The following ROBO2 variants were observed in gnomAD, a reference collection of about 807,000 sequenced individuals.
ROBO2 encodes the protein roundabout guidance receptor 2.
A neutral mutation model predicts 160.8 loss-of-function variants in ROBO2; 53 were observed. The ratio of observed to expected loss-of-function variants is 0.33; its 90% CI spans 0.26 to 0.41. The LOEUF is 0.41. ROBO2 is among the 10% of genes least tolerant of loss of function. The pLI, the probability that ROBO2 is intolerant of heterozygous loss-of-function variation, is 1.00. For missense variants in ROBO2, 1,577 were observed against 1,722.4 expected (o/e 0.92, Z 1.49); for synonymous variants, 664 against 611.7 (o/e 1.09, Z -1.26).
chr3:77,340,655 G>C (rs2066965200), intron 2 of ROBO2, among the ~76,000 whole-genome samples: 1 of 152,078 alleles, frequency 6.6e-6, no homozygotes, highest in African/African-American at 2.4e-5. Context: ...ATTCATAGGA[G>C]CCATATGTTC....
intron 2 of ROBO2, among the ~76,000 whole-genome samples, chr3:76,975,199 T>C (rs2059755593): frequency 1.3e-5 from 2 of 152,142 alleles, no homozygotes; most frequent in Admixed American, 6.6e-5. Flanking sequence ...CACAGAAGGC[T>C]TCAGACCACA....
intron 2 of ROBO2, among the ~76,000 whole-genome samples, chr3:76,767,093 T>C (rs942156275): frequency 6.6e-6 from 1 of 151,462 alleles, no homozygotes; most frequent in African/African-American, 2.4e-5. Flanking sequence ...GCAGAAGTGC[T>C]TAAAAACACC....
At chr3:76,395,497 C>G (rs1393625997) in intron 2 of ROBO2, among the ~76,000 whole-genome samples, 1 of 123,858 alleles carries the variant, frequency 8.1e-6, no homozygotes, top group Non-Finnish European at 1.7e-5. Flanking sequence ...GAAATAGAGA[C>G]AAAAAAAAAC....
intron 2 of ROBO2, among the ~76,000 whole-genome samples, chr3:76,323,950 C>T (rs1380925794): frequency 6.6e-6 from 1 of 152,024 alleles, no homozygotes; most frequent in Non-Finnish European, 1.5e-5. Context: ...AGATAAGAAG[C>T]TTTTTCTGTT....
rs185195218 is a variant in ROBO2, at chr3:76,184,658, G to C, written c.109+247056G>C. The stretch of plus-strand genomic sequence containing the variant: ...GGAGGCTGAGAAGTCCCATGGACAG[G>C]CATGTGCAAGCTATAGACCCTGAGA... On this transcript the variant is annotated intron_variant, in intron 2 of 26. Coordinates refer to the ROBO2 transcript ENST00000487694. 3.9e-3 allele frequency among the ~76,000 whole-genome samples: 595 copies of C among 152,132 alleles called. 3 individuals carry two copies. Among genetic ancestry groups the C allele is most frequent in the Non-Finnish European group, 6.1e-3 (415 of 68,000 alleles).
chr3:76,876,143 A>C (rs575826545), intron 2 of ROBO2, among the ~76,000 whole-genome samples: 1 of 152,276 alleles, frequency 6.6e-6, no homozygotes, highest in South Asian at 2.1e-4. Context: ...TGTACACTAT[A>C]CCTACTATTG....
chr3:77,482,863 G>T (rs1027809743), intron 4 of ROBO2, among the ~76,000 whole-genome samples: 2 of 144,582 alleles, frequency 1.4e-5, no homozygotes, highest in Non-Finnish European at 3.1e-5. Context: ...GGAATAGAAA[G>T]AAAAAAAAAA....
chr3:76,155,312 A>G (rs1012507959), intron 2 of ROBO2, among the ~76,000 whole-genome samples: 4 of 152,182 alleles, frequency 2.6e-5, no homozygotes, highest in African/African-American at 7.2e-5. Flanking sequence ...CTGAACCTCA[A>G]TCTGATCCTG....
At chr3:77,364,086 G>A (rs565709067) in intron 2 of ROBO2, among the ~76,000 whole-genome samples, 1 of 152,150 alleles carries the variant, frequency 6.6e-6, no homozygotes, top group African/African-American at 2.4e-5. Context: ...GCCAGCAGGG[G>A]CTGACATCTT....
intron 2 of ROBO2, among the ~76,000 whole-genome samples, chr3:76,987,275 G>A (rs973853185): frequency 6.6e-6 from 1 of 152,074 alleles, no homozygotes; most frequent in Non-Finnish European, 1.5e-5. Flanking sequence ...TAGAGATCTC[G>A]GCCTTTTACA....
rs3796292 is a variant in ROBO2 at position 77,551,175 on chromosome 3, C to T, written c.1231+186C>T. 0.56 allele frequency among the ~76,000 whole-genome samples: 84,980 copies of T among 151,762 alleles called. 23,856 individuals are homozygous for T. Among genetic ancestry groups the T allele is most frequent in the Middle Eastern group, 0.68 (200 of 294 alleles). Reference sequence around the variant, plus strand: ...CCTGATTGAATACCACTTATTTTCCCCAAAGAAGAACTTCAGAGATAATTT... The same window carrying T: ...CCTGATTGAATACCACTTATTTTCCTCAAAGAAGAACTTCAGAGATAATTT... On this transcript the variant is annotated intron_variant, in intron 8 of 25. Coordinates refer to ENST00000461745, the Ensembl canonical transcript of ROBO2.
chr3:77,608,072 A>G, intron 21 of ROBO2, 118 bp downstream of exon 22: 2 of 875,592 alleles, frequency 2.3e-6, no homozygotes, highest in Non-Finnish European at 3.7e-6. Flanking sequence ...CACCATGTTC[A>G]TTGCATTTCC....
intron 1 of ROBO2, among the ~76,000 whole-genome samples, chr3:77,043,028 A>G (rs1349926894): frequency 6.6e-6 from 1 of 152,220 alleles, no homozygotes; most frequent in Non-Finnish European, 1.5e-5. Flanking sequence ...TGTAAATCAT[A>G]CGTTTGACAT....
chr3:76,808,578 G>T (rs892087427), intron 2 of ROBO2, among the ~76,000 whole-genome samples: 2 of 152,110 alleles, frequency 1.3e-5, no homozygotes, highest in East Asian at 3.9e-4. Context: ...CTTTGTAGTA[G>T]AAAGAGATTA....
intron 1 of ROBO2, among the ~76,000 whole-genome samples, chr3:75,919,636 G>A (rs189275505): frequency 7.9e-5 from 12 of 152,188 alleles, no homozygotes; most frequent in African/African-American, 1.4e-4. Context: ...TGTACCTCTC[G>A]TAGAACTTGG....
At chr3:77,596,634 T>G in exon 19 of ROBO2, 1 of 1,613,986 alleles carries the variant, frequency 6.2e-7, no homozygotes, top group South Asian at 1.1e-5. Flanking sequence ...CGTCCAGGTC[T>G]TCTCAATGCT....
At chr3:76,226,326 C>A (rs1704282137) in intron 2 of ROBO2, among the ~76,000 whole-genome samples, 1 of 152,016 alleles carries the variant, frequency 6.6e-6, no homozygotes, top group Admixed American at 6.6e-5. Flanking sequence ...AATTTTAGCA[C>A]CACAAAATTC....
chr3:77,606,637 G>T (rs1053919676), intron 20 of ROBO2, among the ~76,000 whole-genome samples: 1 of 152,162 alleles, frequency 6.6e-6, no homozygotes, highest in East Asian at 1.9e-4. Context: ...TCACTTCCTG[G>T]TGCTCAAATA....
intron 2 of ROBO2, among the ~76,000 whole-genome samples, chr3:77,006,276 G>A (rs565398210): frequency 1.1e-4 from 17 of 149,916 alleles, no homozygotes; most frequent in African/African-American, 4.2e-4. Flanking sequence ...GTATATACTG[G>A]CCAAATGTTG....
Sources: allele counts gnomAD v4.1 joint callset (sites outside exome capture counted in the v4.1 genomes callset), GRCh38; gene constraint gnomAD v4.1.1; transcripts MANE v1.5; gene names NCBI Gene and HGNC (gene_info 2026-07-23, HGNC 2026-07-21).